Variants in CMSS1 observed in about 807,000 individuals in gnomAD.
The protein encoded by CMSS1 is protein CMSS1.
CMSS1 carries 33 observed loss-of-function variants against 43.5 expected under a neutral mutation model. That is an observed-to-expected ratio of 0.76 (90% CI 0.57 to 1.01). CMSS1 has a LOEUF of 1.01. Ranked by LOEUF, CMSS1 falls within the 50% of genes least tolerant of loss-of-function variation. The pLI, the probability that CMSS1 is intolerant of heterozygous loss-of-function variation, is 0.00. For missense variants in CMSS1, 313 were observed against 326.4 expected (o/e 0.96, Z 0.32); for synonymous variants, 115 against 117.2 (o/e 0.98, Z 0.12).
chr3:99,951,732 A>G (rs2107689646), intron 1 of CMSS1, among the ~76,000 whole-genome samples: 1 of 152,316 alleles, frequency 6.6e-6, no homozygotes, highest in African/African-American at 2.4e-5. Flanking sequence ...AGGTACCCTT[A>G]GATCATGGGT....
intron 1 of CMSS1, among the ~76,000 whole-genome samples, chr3:100,068,709 C>G (rs145762356): frequency 6.6e-6 from 1 of 152,298 alleles, no homozygotes; most frequent in African/African-American, 2.4e-5. Context: ...CTTACTGCAA[C>G]CTCTATCTCC....
At chr3:99,971,148 T>A (rs371740660) in intron 1 of CMSS1, among the ~76,000 whole-genome samples, 2 of 152,030 alleles carry the variant, frequency 1.3e-5, no homozygotes, top group East Asian at 1.9e-4. Flanking sequence ...CCATCCTGGC[T>A]AACATGGTGA....
At chr3:99,937,306 T>TGTGA (rs1344658712) in intron 1 of CMSS1, among the ~76,000 whole-genome samples, 1 of 152,340 alleles carries the variant, frequency 6.6e-6, no homozygotes, top group Admixed American at 6.5e-5. Flanking sequence ...TATACAAAAA[T>TGTGA]GTGAGTAACA....
At chr3:99,913,244 A>C (rs1706848403) in intron 1 of CMSS1, among the ~76,000 whole-genome samples, 1 of 152,224 alleles carries the variant, frequency 6.6e-6, no homozygotes, top group South Asian at 2.1e-4. Context: ...CAGCGGACTA[A>C]GGCAATAATT....
chr3:99,969,058 A>G (rs185820932), intron 1 of CMSS1, among the ~76,000 whole-genome samples: 303 of 152,242 alleles, frequency 2.0e-3, no homozygotes, highest in African/African-American at 6.8e-3. Flanking sequence ...AGATTTAGGA[A>G]GTAAAGGGGA....
intron 1 of CMSS1, among the ~76,000 whole-genome samples, chr3:99,918,664 A>C (rs1478262207): frequency 2.0e-5 from 3 of 152,054 alleles, no homozygotes; most frequent in Admixed American, 6.5e-5. Flanking sequence ...AAGTTAAGTC[A>C]TGATGGACGG....
intron 2 of CMSS1, among the ~76,000 whole-genome samples, chr3:100,155,448 A>G (rs1265544749): frequency 6.6e-6 from 1 of 152,128 alleles, no homozygotes; most frequent in Non-Finnish European, 1.5e-5. Flanking sequence ...AATATTTTCC[A>G]TATGCTCAAA....
At chr3:100,110,040 A>G (rs1431454970) in intron 1 of CMSS1, 2 of 151,702 alleles carry the variant, frequency 1.3e-5, no homozygotes, top group Non-Finnish European at 2.9e-5. Flanking sequence ...CTGAAATAGA[A>G]CCAGCCCGAA....
At chr3:100,139,529 ATGTG>A (rs201315535) in intron 1 of CMSS1, among the ~76,000 whole-genome samples, 26,847 of 129,104 alleles carry the variant, frequency 0.21, 2,764 homozygotes, top group East Asian at 0.3. Flanking sequence ...TAAAAAAAAA[ATGTG>A]TGTGTGTGTG....
chr3:99,994,816 A>C (rs970614924), intron 1 of CMSS1, among the ~76,000 whole-genome samples: 1 of 152,152 alleles, frequency 6.6e-6, no homozygotes, highest in African/African-American at 2.4e-5. Context: ...TCCTGATAAA[A>C]CCATCAGATC....
chr3:99,880,980 G>T (rs185885845), intron 1 of CMSS1, among the ~76,000 whole-genome samples: 1 of 152,102 alleles, frequency 6.6e-6, no homozygotes, highest in Non-Finnish European at 1.5e-5. Context: ...ATTTAAAAGC[G>T]CATGTTTACA....
rs538033259 is a variant in CMSS1 at position 99,918,367 on chromosome 3, G to A, written c.64+100324G>A. On this transcript the variant is annotated intron_variant, in intron 1 of 9. Transcript: ENST00000421999. ...GCAGATCAGGTCTGCAGACCAGACT[G>A]CCACTATCTCTAAGCTCCTGGTTCA... Among the ~76,000 whole-genome samples the A allele has an allele frequency of 2.6e-5, 4 of 152,262 alleles. No homozygotes were observed. In the South Asian group the frequency reaches 8.3e-4, roughly 32 times the overall value.
chr3:99,939,907 A>C (rs1456246487), intron 1 of CMSS1, among the ~76,000 whole-genome samples: 1 of 152,170 alleles, frequency 6.6e-6, no homozygotes, highest in Non-Finnish European at 1.5e-5. Flanking sequence ...GCTCATGCTA[A>C]ATTAATTGAC....
chr3:99,987,528 C>CAAAA (rs1209242716), intron 1 of CMSS1, among the ~76,000 whole-genome samples: 8 of 56,750 alleles, frequency 1.4e-4, no homozygotes, highest in Non-Finnish European at 1.2e-4. Context: ...GATTCTGTCT[C>CAAAA]AAAAAAAAAA....
chr3:99,921,784 T>C (rs1023083152), intron 1 of CMSS1, among the ~76,000 whole-genome samples: 1 of 152,272 alleles, frequency 6.6e-6, no homozygotes, highest in Non-Finnish European at 1.5e-5. Flanking sequence ...TATTTCAAAA[T>C]ACTATTCTTC....
At chr3:99,842,265 T>C (rs1352749971) in intron 1 of CMSS1, among the ~76,000 whole-genome samples, 3 of 152,106 alleles carry the variant, frequency 2.0e-5, no homozygotes, top group African/African-American at 7.2e-5. Context: ...TTCTCACTCA[T>C]AAGGAGGAGC....
chr3:99,925,187 T>C (rs1707252324), intron 1 of CMSS1, among the ~76,000 whole-genome samples: 1 of 152,320 alleles, frequency 6.6e-6, no homozygotes, highest in Admixed American at 6.5e-5. Context: ...TACATCAAGG[T>C]ATTTCCATTA....
chr3:99,990,297 AGAAG>A (rs957176019), intron 1 of CMSS1, among the ~76,000 whole-genome samples: 11 of 152,198 alleles, frequency 7.2e-5, no homozygotes, highest in African/African-American at 2.7e-4. Context: ...GGCTTGAACC[AGAAG>A]CCACAGATTG....
intron 1 of CMSS1, among the ~76,000 whole-genome samples, chr3:99,950,311 A>C (rs572324494): frequency 6.6e-6 from 1 of 152,206 alleles, no homozygotes; most frequent in Admixed American, 6.5e-5. Context: ...AAATGTTAGA[A>C]ATTTTTACAG....
Sources: gnomAD v4.1 joint callset for allele counts (sites outside exome capture counted in the v4.1 genomes callset) on GRCh38, gnomAD v4.1.1 for gene constraint, MANE v1.5 for transcripts, NCBI Gene and HGNC (gene_info 2026-07-23, HGNC 2026-07-21) for gene names.